The following TRIM55 variants were observed in gnomAD, a reference collection of about 807,000 sequenced individuals.
TRIM55 encodes tripartite motif containing 55.
TRIM55 carries 50 observed loss-of-function variants against 60.9 expected under a neutral mutation model. The observed-to-expected ratio is 0.82, with a 90% confidence interval of 0.65 to 1.04. The LOEUF is 1.04. Ranked by LOEUF, TRIM55 falls within the 50% of genes least tolerant of loss-of-function variation. The probability of loss-of-function intolerance (pLI) is 0.00; values close to 1 mark genes in which losing one functional copy is unlikely to be tolerated. For synonymous variants in TRIM55, 237 were observed against 238.1 expected, an observed-to-expected ratio of 1.00 and a Z score of 0.04; for missense variants, 681 against 666.9, an observed-to-expected ratio of 1.02 and a Z score of -0.23.
chr8:66,131,710 A>T (rs780781601), intron 2 of TRIM55, among the ~76,000 whole-genome samples: 2 of 152,158 alleles, frequency 1.3e-5, no homozygotes, highest in Non-Finnish European at 2.9e-5. Context: ...CTTCAGGACT[A>T]CTGGCTCCTG....
intron 2 of TRIM55, among the ~76,000 whole-genome samples, chr8:66,132,395 G>A (rs1335647493): frequency 4.6e-5 from 7 of 152,250 alleles, no homozygotes; most frequent in South Asian, 4.1e-4. Context: ...TGGAGGTTGC[G>A]GTGAGCTGAG....
chr8:66,143,361 C>A (rs1489816116), intron 4 of TRIM55, among the ~76,000 whole-genome samples: 1 of 152,160 alleles, frequency 6.6e-6, no homozygotes, highest in Non-Finnish European at 1.5e-5. Context: ...CAAGACTTGC[C>A]AGGAACAGAG....
the TRIM55 span, among the ~76,000 whole-genome samples, chr8:66,120,127 T>C: frequency 6.6e-6 from 1 of 152,180 alleles, no homozygotes; most frequent in Non-Finnish European, 1.5e-5. Context: ...GAGATAATAA[T>C]ACCTGAGACA....
chr8:66,141,325 C>T (rs1047004427), intron 4 of TRIM55, among the ~76,000 whole-genome samples: 2 of 152,136 alleles, frequency 1.3e-5, no homozygotes, highest in Non-Finnish European at 2.9e-5. Context: ...AGTCTTTTTA[C>T]CTCCGCTTCT....
chr8:66,146,426 AC>A (rs1355020940), intron 4 of TRIM55, among the ~76,000 whole-genome samples: 27 of 152,220 alleles, frequency 1.8e-4, no homozygotes, highest in Non-Finnish European at 4.4e-5. Context: ...GAGAGAGTAC[AC>A]TAGATTACAC....
intron 4 of TRIM55, among the ~76,000 whole-genome samples, chr8:66,141,529 C>G (rs548964602): frequency 1.4e-3 from 210 of 152,330 alleles, no homozygotes; most frequent in African/African-American, 4.7e-3. Flanking sequence ...GAGCTCTCTG[C>G]TTCCAGGGAA....
chr8:66,175,315 C>G lies in TRIM55; in HGVS notation c.*722C>G, dbSNP rs1368203215. 6.6e-6 allele frequency: 1 copy of G among 152,166 alleles called. No homozygotes were observed. The highest frequency in any genetic ancestry group is 1.5e-5 in the Non-Finnish European group (1 of 68,036). The allele number at this position is 152,166 out of a possible 1,614,324, so 9.4% of individuals were successfully genotyped here. A position where few individuals can be genotyped will look rare whatever the true frequency, so the allele number is the denominator to read the frequency against. ...CTCTTTTATTCACTGTGGCACCAAT[C>G]TGGTAAATTGTAGAACAATTGCATG... On this transcript the variant is annotated 3_prime_UTR_variant, in exon 10 of 10. Transcript: ENST00000315962.
upstream of TRIM55, among the ~76,000 whole-genome samples, chr8:66,123,101 C>T (rs183339853): frequency 1.0e-3 from 156 of 152,318 alleles, no homozygotes; most frequent in Middle Eastern, 3.4e-3. Flanking sequence ...CATTGGTCTT[C>T]ACAACCCCTT....
intron 3 of TRIM55, among the ~76,000 whole-genome samples, chr8:66,136,791 T>G (rs192252445): frequency 6.6e-6 from 1 of 152,184 alleles, no homozygotes; most frequent in Non-Finnish European, 1.5e-5. Context: ...ATAATTCCAT[T>G]TGGGTCCCTG....
At chr8:66,131,997 T>A (rs1355327086) in intron 2 of TRIM55, among the ~76,000 whole-genome samples, 1 of 152,212 alleles carries the variant, frequency 6.6e-6, no homozygotes, top group Non-Finnish European at 1.5e-5. Context: ...CATATATAAA[T>A]ACATAAATAA....
intron 9 of TRIM55, among the ~76,000 whole-genome samples, chr8:66,159,965 C>G (rs752049892): frequency 6.6e-6 from 1 of 152,100 alleles, no homozygotes; most frequent in African/African-American, 2.4e-5. Flanking sequence ...AATAATTTCT[C>G]CCAGTCTGTG....
At chr8:66,147,922 A>G (rs569364455) in intron 4 of TRIM55, among the ~76,000 whole-genome samples, 15 of 152,232 alleles carry the variant, frequency 9.9e-5, no homozygotes, top group Admixed American at 2.6e-4. Flanking sequence ...TACTTTGGAT[A>G]TTTAAGAAAT....
At chr8:66,120,702 C>CA in the TRIM55 span, among the ~76,000 whole-genome samples, 1 of 152,208 alleles carries the variant, frequency 6.6e-6, no homozygotes, top group Admixed American at 6.5e-5. Context: ...TGGGAGAGGA[C>CA]ATGGAAGTTC....
In TRIM55 at chr8:66,141,474, G is replaced by A. The variant is rs116412065; in HGVS notation, c.603+4284G>A. Among the ~76,000 whole-genome samples the A allele has an allele frequency of 3.2e-3, 488 of 152,318 alleles. 3 individuals are homozygous for A. Among genetic ancestry groups the A allele is most frequent in the African/African-American group, 0.011 (463 of 41,574 alleles). On this transcript the variant is annotated intron_variant, in intron 4 of 9. Transcript: ENST00000315962. ...CCTGGAGCTGTTCTGGAACAGAATG[G>A]AACTGGATGGGGGGCTGCCTGTAGG...
At chr8:66,146,269 A>T (rs957375586) in intron 4 of TRIM55, among the ~76,000 whole-genome samples, 1 of 152,218 alleles carries the variant, frequency 6.6e-6, no homozygotes, top group African/African-American at 2.4e-5. Context: ...TTTTACTAAC[A>T]TTCAATATAA....
intron 8 of TRIM55, among the ~76,000 whole-genome samples, chr8:66,153,720 C>T (rs1039033196): frequency 6.6e-5 from 10 of 152,148 alleles, no homozygotes; most frequent in Non-Finnish European, 7.3e-5. Context: ...TTATTCTAGT[C>T]AATAGTTTGA....
intron 4 of TRIM55, among the ~76,000 whole-genome samples, chr8:66,142,325 C>T (rs1212982257): frequency 6.6e-6 from 1 of 152,148 alleles, no homozygotes; most frequent in Non-Finnish European, 1.5e-5. Context: ...TAGAGGGACA[C>T]GTTGAGAATG....
chr8:66,126,364 G>GT (rs1180141895), upstream of TRIM55, among the ~76,000 whole-genome samples: 1 of 152,148 alleles, frequency 6.6e-6, no homozygotes, highest in Non-Finnish European at 1.5e-5. Context: ...TTTTCTTTGT[G>GT]TTTTTGGGTG....
At chr8:66,118,062 G>A in the TRIM55 span, among the ~76,000 whole-genome samples, 6 of 150,256 alleles carry the variant, frequency 4.0e-5, no homozygotes, top group African/African-American at 1.2e-4. Context: ...CCAGCTGCTC[G>A]GGAGGCTGAA....
Sources: gnomAD v4.1 joint callset for allele counts (sites outside exome capture counted in the v4.1 genomes callset) on GRCh38, gnomAD v4.1.1 for gene constraint, MANE v1.5 for transcripts, NCBI Gene and HGNC (gene_info 2026-07-23, HGNC 2026-07-21) for gene names.